The following MSL2 variants were observed in gnomAD, a reference collection of about 807,000 sequenced individuals.
MSL2 encodes the protein MSL complex subunit 2.
A neutral mutation model predicts 35.8 loss-of-function variants in MSL2; 2 were observed. The ratio of observed to expected loss-of-function variants is 0.06; its 90% CI spans 0.02 to 0.18. The LOEUF (loss-of-function observed/expected upper bound fraction) is 0.18. MSL2 is among the 10% of genes least tolerant of loss of function. MSL2 has a pLI of 1.00. For synonymous variants in MSL2, 296 were observed against 255.7 expected (o/e 1.16, Z -1.50); for missense variants, 523 against 706.7 (o/e 0.74, Z 2.95).
rs565553685 is a variant in MSL2 at position 136,191,984 on chromosome 3, G to C, written c.142+2988C>G. On this transcript the variant is annotated intron_variant, in intron 1 of 1. Coordinates refer to ENST00000309993, the MANE Select transcript of MSL2 (RefSeq NM_018133.4). ...CTGAGGCTGTCATAAACACCTACAT[G>C]TAAGTCACCAGGCAGGAAAGAATGT... Among the ~76,000 whole-genome samples, 7 of 152,196 alleles carry C rather than the reference G, an allele frequency of 4.6e-5. No homozygotes were observed. In the East Asian group the frequency reaches 1.2e-3, roughly 25 times the overall value.
chr3:136,153,204 C>T, intron 1 of MSL2: 2 of 313,562 alleles, frequency 6.4e-6, no homozygotes, highest in Non-Finnish European at 4.6e-6. Flanking sequence ...ACTGCACTCC[C>T]GCCTGGGTGA....
rs149216662 is a variant in MSL2 at position 136,190,130 on chromosome 3, T to C, written c.142+4842A>G. ...CTATCGTGACACATGAGGTCTGTTA[T>C]AGCTTAAGTGCCTCTACTCAGCACT... On this transcript the variant is annotated intron_variant, in intron 1 of 1. Coordinates refer to ENST00000309993, the MANE Select transcript of MSL2 (RefSeq NM_018133.4). 7.2e-4 allele frequency among the ~76,000 whole-genome samples: 109 copies of C among 152,280 alleles called. No homozygotes were observed. In the Middle Eastern group the frequency reaches 0.01, roughly 14 times the overall value.
chr3:136,196,304 C>G lies in MSL2; in HGVS notation c.-1191G>C, dbSNP rs1030553777. The G allele has an allele frequency of 1.3e-5, 2 of 152,632 alleles. No homozygotes were observed. Among genetic ancestry groups the G allele is most frequent in the South Asian group, 4.1e-4 (2 of 4,842 alleles). 9.5% of individuals were successfully genotyped at this position (152,632 alleles called of 1,614,324 possible). Reference sequence around the variant, plus strand: ...ACTGTCATCCCCGAGACTCCCCCGCCGCCGTCGTCGCTAGCGCTCGCACGC... The same window carrying G: ...ACTGTCATCCCCGAGACTCCCCCGCGGCCGTCGTCGCTAGCGCTCGCACGC... On this transcript the variant is annotated 5_prime_UTR_variant, in exon 1 of 2. Coordinates refer to ENST00000309993, the MANE Select transcript of MSL2 (RefSeq NM_018133.4).
intron 1 of MSL2, among the ~76,000 whole-genome samples, chr3:136,189,052 T>C (rs1166464722): frequency 7.0e-6 from 1 of 143,872 alleles, no homozygotes. Context: ...TTAGGAGATT[T>C]TCCTTAGGAA....
chr3:136,154,151 AAAAGGAGTACTACTCAACTC>A (rs1489965718), intron 1 of MSL2, among the ~76,000 whole-genome samples: 5 of 152,270 alleles, frequency 3.3e-5, no homozygotes, highest in Non-Finnish European at 5.9e-5. Context: ...AAACAAAGAA[AAAAGGAGTACTACTCAACTC>A]AAATTCTTCT....
rs781130532 is a variant in MSL2 at position 136,151,222 on chromosome 3, T to C, written c.1659A>G (p.Val553=). The change falls in exon 2 of 2, where the codon GTA becomes GTG. Residue 553 remains valine (V), a synonymous_variant. Transcript: ENST00000309993. The surrounding 1 kb of genome is among the most constrained non-coding windows in gnomAD (Gnocchi z 5.2). ...GTGTACTGGCAGCTAAAAACGTCGTTACTGGGGACCCTGTGACATTTATTA... is the reference window on the plus strand; with the variant it reads ...GTGTACTGGCAGCTAAAAACGTCGTCACTGGGGACCCTGTGACATTTATTA... ...TSVINVTGSP[V]TTFLAASTHD... The C allele has an allele frequency of 1.2e-6, 2 of 1,614,118 alleles. No individual in the cohort carries two copies. Among genetic ancestry groups the C allele is most frequent in the Non-Finnish European group, 1.7e-6 (2 of 1,180,046 alleles).
intron 1 of MSL2, among the ~76,000 whole-genome samples, chr3:136,160,497 T>C (rs1255707441): frequency 2.0e-5 from 3 of 148,452 alleles, no homozygotes; most frequent in Non-Finnish European, 3.0e-5. Flanking sequence ...AGGCGGGCAG[T>C]TCAGGAGTTC....
chr3:136,186,197 C>T (rs925378872), intron 1 of MSL2, among the ~76,000 whole-genome samples: 1 of 152,148 alleles, frequency 6.6e-6, no homozygotes, highest in Non-Finnish European at 1.5e-5. Context: ...CAATTTTTCC[C>T]ATATGTCTGT....
At chr3:136,175,192 A>G (rs1940137232) in intron 1 of MSL2, among the ~76,000 whole-genome samples, 1 of 152,086 alleles carries the variant, frequency 6.6e-6, no homozygotes, top group Non-Finnish European at 1.5e-5. Context: ...AAAAATACAA[A>G]AAGTAGCCAG....
intron 1 of MSL2, chr3:136,194,662 GAAAAA>G (rs367862548): frequency 1.6e-5 from 3 of 183,502 alleles, no homozygotes; most frequent in South Asian, 6.3e-5. Context: ...AAAGGTTTAA[GAAAAA>G]AAAAAAAAAA....
chr3:136,195,416 C>T lies in MSL2; in HGVS notation c.-303G>A. On this transcript the variant is annotated 5_prime_UTR_variant, in exon 1 of 2. Transcript: ENST00000309993. ...AACGCGGCGGCTTGGGCGCTCGGGG[C>T]GGGACTCGGAGCTCAGTCTAGCCCC... 8.9e-7 allele frequency: 1 copy of T among 1,123,064 alleles called. No homozygotes were observed. Among genetic ancestry groups the T allele is most frequent in the South Asian group, 2.5e-5 (1 of 39,608 alleles). 69.6% of individuals were successfully genotyped at this position (1,123,064 alleles called of 1,614,324 possible).
intron 1 of MSL2, among the ~76,000 whole-genome samples, chr3:136,174,322 T>C (rs770789585): frequency 2.6e-5 from 4 of 152,196 alleles, no homozygotes; most frequent in Non-Finnish European, 5.9e-5. Context: ...GTACTAGCAA[T>C]GAAAAATAGA....
Position 136,194,334 on chromosome 3 carries a change from C to T in MSL2, c.142+638G>A, listed in dbSNP as rs983882134. 1.8e-5 allele frequency: 15 copies of T among 850,928 alleles called. No individual in the cohort carries two copies. The South Asian group carries it at 3.8e-4, about 21-fold the overall frequency. 52.7% of individuals were successfully genotyped at this position (850,928 alleles called of 1,614,324 possible). Reference sequence around the variant, plus strand: ...TTTTAACAAAAACATCTAAAATAACCCTCGACAAAGCCAAAGTATATTAAA... The same window carrying T: ...TTTTAACAAAAACATCTAAAATAACTCTCGACAAAGCCAAAGTATATTAAA... On this transcript the variant is annotated intron_variant, in intron 1 of 1. Coordinates refer to ENST00000309993, the MANE Select transcript of MSL2 (RefSeq NM_018133.4).
chr3:136,176,463 C>T (rs1006317304), intron 1 of MSL2, among the ~76,000 whole-genome samples: 1 of 142,658 alleles, frequency 7.0e-6, no homozygotes, highest in Admixed American at 7.4e-5. Flanking sequence ...TGTATTGAGC[C>T]AAGATCGTGT....
chr3:136,162,139 T>C (rs955803028), intron 1 of MSL2, among the ~76,000 whole-genome samples: 1 of 151,662 alleles, frequency 6.6e-6, no homozygotes, highest in African/African-American at 2.4e-5. Flanking sequence ...GGTCTCACCA[T>C]GTTGGTCAGG....
chr3:136,178,829 C>G (rs554720795), intron 1 of MSL2, among the ~76,000 whole-genome samples: 2 of 151,894 alleles, frequency 1.3e-5, no homozygotes, highest in Non-Finnish European at 2.9e-5. Context: ...TGAGTCGCTG[C>G]GCCCCGCCAG....
At chr3:136,159,829 GAGA>G (rs1001495680) in intron 1 of MSL2, among the ~76,000 whole-genome samples, 98 of 152,060 alleles carry the variant, frequency 6.4e-4, no homozygotes, top group Admixed American at 2.6e-3. Context: ...GAAGAAAACG[GAGA>G]AGAAAATCTT....
In MSL2 at chr3:136,168,334, GAAGA is replaced by G. The variant is rs1939910076; in HGVS notation, c.143-15600_143-15597del. ...GACTTTAAAATCATTACTAAAGAAA[GAAGA>G]AAAAGAACACAAACCAGTTATCTTA... On this transcript the variant is annotated intron_variant, in intron 1 of 1. Transcript: ENST00000309993. 2.6e-5 allele frequency among the ~76,000 whole-genome samples: 4 copies of G among 152,052 alleles called. No individual in the cohort carries two copies. In the South Asian group the frequency reaches 8.3e-4, roughly 32 times the overall value.
intron 1 of MSL2, among the ~76,000 whole-genome samples, chr3:136,161,407 A>G (rs1391948143): frequency 6.6e-6 from 1 of 152,188 alleles, no homozygotes; most frequent in Non-Finnish European, 1.5e-5. Context: ...ACACAGAAAA[A>G]CGTATGTGAA....
Sources: gnomAD v4.1 joint callset for allele counts (sites outside exome capture counted in the v4.1 genomes callset) on GRCh38, gnomAD v4.1.1 for gene constraint, Gnocchi (gnomAD v3.1) non-coding constraint, MANE v1.5 for transcripts, NCBI Gene and HGNC (gene_info 2026-07-23, HGNC 2026-07-21) for gene names.